The following NRG1 variants were observed in gnomAD, a reference collection of about 807,000 sequenced individuals.
The protein encoded by NRG1 is neuregulin 1, also known as pro-neuregulin-1, membrane-bound isoform.
In NRG1, 18 loss-of-function variants were observed where a neutral mutation model predicts 63.8. The ratio of observed to expected loss-of-function variants is 0.28; its 90% CI spans 0.19 to 0.42. NRG1 has a LOEUF of 0.42. NRG1 is among the 10% of genes least tolerant of loss of function. The pLI, the probability that NRG1 is intolerant of heterozygous loss-of-function variation, is 1.00. For missense variants in NRG1, 762 were observed against 814.7 expected (o/e 0.94, Z 0.79); for synonymous variants, 302 against 301.3 (o/e 1.00, Z -0.02).
intron 1 of NRG1, among the ~76,000 whole-genome samples, chr8:31,770,513 A>G (rs1186287694): frequency 6.6e-6 from 1 of 151,754 alleles, no homozygotes; most frequent in Non-Finnish European, 1.5e-5. Context: ...AAACTATCGC[A>G]AGGACAAAAA....
intron 1 of NRG1, among the ~76,000 whole-genome samples, chr8:32,269,350 G>T (rs184936373): frequency 1.3e-5 from 2 of 152,300 alleles, no homozygotes; most frequent in Admixed American, 6.5e-5. Flanking sequence ...AGCAATTATA[G>T]ATCAAGGCTC....
At chr8:32,009,069 C>T (rs1814291509) in intron 1 of NRG1, among the ~76,000 whole-genome samples, 2 of 152,066 alleles carry the variant, frequency 1.3e-5, no homozygotes, top group Non-Finnish European at 2.9e-5. Context: ...CTTAGTCACA[C>T]TGGTTATTTT....
intron 1 of NRG1, among the ~76,000 whole-genome samples, chr8:31,958,587 G>A (rs181066333): frequency 5.8e-4 from 88 of 152,262 alleles, no homozygotes; most frequent in Admixed American, 5.4e-3. Context: ...TGCTCTAAGT[G>A]GAGACAGAGT....
At chr8:31,928,670 A>ACC (rs1554578827) in intron 1 of NRG1, among the ~76,000 whole-genome samples, 3 of 151,762 alleles carry the variant, frequency 2.0e-5, no homozygotes, top group East Asian at 3.9e-4. Context: ...ACACACACAC[A>ACC]CCATGAAATA....
intron 5 of NRG1, among the ~76,000 whole-genome samples, chr8:32,650,655 CAAAAAAAAAAAA>C (rs59103241): frequency 6.9e-5 from 4 of 57,822 alleles, no homozygotes; most frequent in South Asian, 1.9e-3. Flanking sequence ...TAATGGAAAG[CAAAAAAAAAAAA>C]AAAAAAAAAA....
intron 1 of NRG1, among the ~76,000 whole-genome samples, chr8:31,703,914 T>G (rs1273818524): frequency 6.6e-6 from 1 of 152,232 alleles, no homozygotes; most frequent in Non-Finnish European, 1.5e-5. Context: ...TAATTTTTCT[T>G]AAACACTTTG....
At chr8:32,327,785 A>G (rs767382003) in intron 1 of NRG1, among the ~76,000 whole-genome samples, 1 of 152,220 alleles carries the variant, frequency 6.6e-6, no homozygotes, top group Non-Finnish European at 1.5e-5. Context: ...AGGAAGCCTT[A>G]TTAGGTGGTG....
chr8:31,772,714 A>G (rs1818746685), intron 1 of NRG1, among the ~76,000 whole-genome samples: 1 of 152,080 alleles, frequency 6.6e-6, no homozygotes, highest in African/African-American at 2.4e-5. Context: ...CTTCCTTATT[A>G]GCAAAATCAG....
intron 1 of NRG1, among the ~76,000 whole-genome samples, chr8:32,344,324 C>CTCTTTCTTTCTT (rs765116407): frequency 0.042 from 2,710 of 64,012 alleles, 116 homozygotes; most frequent in Middle Eastern, 0.068. Flanking sequence ...TTCCTTCTTT[C>CTCTTTCTTTCTT]TCTTTCTTTC....
At chr8:32,447,001 T>TTATTTATTTATG (rs1820337867) in intron 1 of NRG1, among the ~76,000 whole-genome samples, 1 of 149,834 alleles carries the variant, frequency 6.7e-6, no homozygotes, top group Non-Finnish European at 1.5e-5. Context: ...AAAATACTTT[T>TTATTTATTTATG]TATTTATTTA....
In NRG1 at chr8:32,678,362, G is replaced by A. The variant is rs538688398; in HGVS notation, c.503-49587G>A. 7.8e-4 allele frequency among the ~76,000 whole-genome samples: 119 copies of A among 152,194 alleles called. 1 individual carries two copies. The highest frequency in any genetic ancestry group is 2.7e-3 in the African/African-American group (114 of 41,536). The stretch of plus-strand genomic sequence containing the variant: ...GGGAAGCAAAGAAACAAATAATAAT[G>A]TAAATGTCATCTGTGATCTAAGATT... On this transcript the variant is annotated intron_variant, in intron 5 of 11. Coordinates refer to ENST00000356819, the Ensembl canonical transcript of NRG1.
At chr8:32,191,367 A>G (rs1842476860) in intron 1 of NRG1, among the ~76,000 whole-genome samples, 2 of 152,170 alleles carry the variant, frequency 1.3e-5, no homozygotes, top group Non-Finnish European at 2.9e-5. Context: ...GGCATGAGCC[A>G]CCACACCTGG....
Position 31,640,846 on chromosome 8 carries a change from G to A in NRG1, c.37+1415G>A. ...GGCAGAGGCGCTCTGGGTCCCAGTT[G>A]TTGGTTTCAGGGTGGTGGGTTCTCA... On this transcript the variant is annotated intron_variant, in intron 1 of 10. Coordinates refer to the NRG1 transcript ENST00000519301. This position sits in a 1 kb window ranked among gnomAD's most constrained non-coding sequence, Gnocchi z 6.3. The A allele has an allele frequency of 1.4e-6, 2 of 1,404,042 alleles. No individual in the cohort carries two copies. The highest frequency in any genetic ancestry group is 3.2e-5 in the South Asian group (2 of 62,912). 87.0% of individuals were successfully genotyped at this position (1,404,042 alleles called of 1,614,324 possible). A position where few individuals can be genotyped will look rare whatever the true frequency, so the allele number is the denominator to read the frequency against.
intron 1 of NRG1, among the ~76,000 whole-genome samples, chr8:32,102,195 C>T (rs117428756): frequency 1.7e-4 from 26 of 152,208 alleles, no homozygotes; most frequent in East Asian, 3.9e-4. Flanking sequence ...TGGAATGCAG[C>T]GGAACAATTT....
intron 1 of NRG1, among the ~76,000 whole-genome samples, chr8:32,356,971 G>A (rs1456062311): frequency 6.6e-6 from 1 of 152,170 alleles, no homozygotes; most frequent in East Asian, 1.9e-4. Context: ...GAAATCCTAT[G>A]GATTAAATCA....
chr8:31,991,579 A>T (rs1402854277), intron 1 of NRG1, among the ~76,000 whole-genome samples: 2 of 151,960 alleles, frequency 1.3e-5, no homozygotes, highest in Non-Finnish European at 2.9e-5. Flanking sequence ...GTATTTGGAG[A>T]TGAGGGAAGC....
chr8:32,471,600 TAAAC>T (rs1823856981), intron 1 of NRG1, among the ~76,000 whole-genome samples: 1 of 152,136 alleles, frequency 6.6e-6, no homozygotes, highest in Non-Finnish European at 1.5e-5. Context: ...ATAAACATAT[TAAAC>T]AAAGCCTTAC....
At chr8:31,895,152 G>C (rs958716409) in intron 1 of NRG1, among the ~76,000 whole-genome samples, 3 of 152,160 alleles carry the variant, frequency 2.0e-5, no homozygotes, top group African/African-American at 7.2e-5. Flanking sequence ...GAGAGATTAA[G>C]GTCCCCTGTT....
intron 1 of NRG1, among the ~76,000 whole-genome samples, chr8:32,101,986 G>A (rs1302981153): frequency 6.6e-6 from 1 of 152,052 alleles, no homozygotes; most frequent in African/African-American, 2.4e-5. Flanking sequence ...TTTAGAGAAG[G>A]GCTTTGCATT....
Sources: gnomAD v4.1 joint callset for allele counts (sites outside exome capture counted in the v4.1 genomes callset) on GRCh38, gnomAD v4.1.1 for gene constraint, Gnocchi (gnomAD v3.1) non-coding constraint, MANE v1.5 for transcripts, NCBI Gene and HGNC (gene_info 2026-07-23, HGNC 2026-07-21) for gene names.